Variants in SV2C observed in about 807,000 individuals in gnomAD.
The protein encoded by SV2C is synaptic vesicle glycoprotein 2C.
A neutral mutation model predicts 79.7 loss-of-function variants in SV2C; 49 were observed. The ratio of observed to expected loss-of-function variants is 0.61; its 90% CI spans 0.49 to 0.78. SV2C has a LOEUF of 0.78. SV2C is among the 30% of genes least tolerant of loss of function. The pLI is 0.00. For missense variants in SV2C, 833 were observed against 912.9 expected (o/e 0.91, Z 1.13); for synonymous variants, 334 against 333.2 (o/e 1.00, Z -0.03).
chr5:75,990,710 C>A, the SV2C span, among the ~76,000 whole-genome samples: 1 of 151,780 alleles, frequency 6.6e-6, no homozygotes, highest in African/African-American at 2.4e-5. Context: ...ATGTAAATGA[C>A]GAGTTAATGG....
At chr5:75,896,052 CT>C in the SV2C span, among the ~76,000 whole-genome samples, 20 of 151,596 alleles carry the variant, frequency 1.3e-4, no homozygotes, top group Middle Eastern at 3.4e-3. Context: ...TTGGATAGTT[CT>C]TTTTTTATTT....
chr5:76,139,587 C>T (rs997821807), intron 2 of SV2C, among the ~76,000 whole-genome samples: 7 of 152,114 alleles, frequency 4.6e-5, no homozygotes, highest in South Asian at 2.1e-4. Context: ...GCTGACATAT[C>T]GGGTTTCTGA....
the SV2C span, chr5:75,921,252 G>A: frequency 1.4e-6 from 2 of 1,449,580 alleles, no homozygotes; most frequent in African/African-American, 1.4e-5. Flanking sequence ...ACTTTGATGA[G>A]GATCTGCAGG....
chr5:75,996,111 G>GT, the SV2C span, among the ~76,000 whole-genome samples: 2 of 152,142 alleles, frequency 1.3e-5, no homozygotes, highest in African/African-American at 4.8e-5. Context: ...GGTTTTTATG[G>GT]TTTTAGGTCT....
the SV2C span, among the ~76,000 whole-genome samples, chr5:75,874,980 G>A: frequency 2.0e-5 from 3 of 152,168 alleles, no homozygotes; most frequent in East Asian, 3.8e-4. Flanking sequence ...TGGCTATACT[G>A]CCCAAGCAAT....
the SV2C span, among the ~76,000 whole-genome samples, chr5:76,043,555 C>T: frequency 6.6e-6 from 1 of 152,226 alleles, no homozygotes; most frequent in Non-Finnish European, 1.5e-5. Context: ...ATATACTTCT[C>T]TTATTGCTTA....
At position 76,204,973 on chromosome 5, in the gene SV2C, T is replaced by G. The variant is rs562661615; in HGVS notation, c.762-4763T>G. ...GCTAAACTGGTTTAACTTGTGTGCC[T>G]CACATTTCCCAGCAGAGGAGAAATT... is the stretch of plus-strand genomic sequence containing the variant. On this transcript the variant is annotated intron_variant, in intron 3 of 12. Transcript: ENST00000502798. Among the ~76,000 whole-genome samples the G allele has an allele frequency of 4.6e-5, 7 of 152,364 alleles. No individual in the cohort carries two copies. The South Asian group carries it at 1.4e-3, about 32-fold the overall frequency.
the SV2C span, among the ~76,000 whole-genome samples, chr5:76,050,178 C>T: frequency 6.6e-6 from 1 of 152,172 alleles, no homozygotes; most frequent in South Asian, 2.1e-4. Flanking sequence ...TGCTGTCACT[C>T]ATATTGTAGA....
chr5:76,263,230 T>G (rs1746539011), intron 4 of SV2C, among the ~76,000 whole-genome samples: 1 of 152,184 alleles, frequency 6.6e-6, no homozygotes, highest in Non-Finnish European at 1.5e-5. Context: ...TAAAGTCTGT[T>G]TTATCAGGGA....
the SV2C span, among the ~76,000 whole-genome samples, chr5:75,936,782 G>C: frequency 6.6e-6 from 1 of 152,144 alleles, no homozygotes; most frequent in African/African-American, 2.4e-5. Flanking sequence ...ATTCTCATTG[G>C]AACATAGTCT....
At chr5:75,920,955 G>A in the SV2C span, 31 of 718,956 alleles carry the variant, frequency 4.3e-5, no homozygotes, top group Admixed American at 3.5e-4. Context: ...ATGATGGCCC[G>A]GCCCCTGAGG....
intron 12 of SV2C, among the ~76,000 whole-genome samples, chr5:76,339,243 C>G (rs73764350): frequency 6.6e-6 from 1 of 151,990 alleles, no homozygotes; most frequent in Non-Finnish European, 1.5e-5. Context: ...AATAACAATC[C>G]TTTTTATTAA....
chr5:76,260,318 G>A (rs938910379), intron 4 of SV2C, among the ~76,000 whole-genome samples: 2 of 151,734 alleles, frequency 1.3e-5, no homozygotes, highest in South Asian at 4.2e-4. Context: ...ATTTGTTTAA[G>A]TTCCTTATAG....
intron 6 of SV2C, among the ~76,000 whole-genome samples, chr5:76,287,411 T>C (rs754235043): frequency 1.3e-5 from 2 of 152,204 alleles, no homozygotes; most frequent in Non-Finnish European, 2.9e-5. Context: ...TTTCATTTTA[T>C]TATACATGCA....
At chr5:76,189,105 G>A (rs1744017308) in intron 2 of SV2C, among the ~76,000 whole-genome samples, 1 of 152,148 alleles carries the variant, frequency 6.6e-6, no homozygotes, top group Non-Finnish European at 1.5e-5. Context: ...ACAGGCGGAA[G>A]CTAGAAGACT....
the SV2C span, among the ~76,000 whole-genome samples, chr5:76,015,727 A>G: frequency 3.3e-5 from 5 of 152,150 alleles, no homozygotes; most frequent in Non-Finnish European, 7.3e-5. Context: ...AAATTTCCCA[A>G]TAAAATTTAA....
At chr5:76,323,976 C>A (rs560500580) in intron 12 of SV2C, among the ~76,000 whole-genome samples, 2 of 152,094 alleles carry the variant, frequency 1.3e-5, no homozygotes, top group Non-Finnish European at 2.9e-5. Flanking sequence ...TGTAACAAAC[C>A]TGCACGTTCT....
the SV2C span, among the ~76,000 whole-genome samples, chr5:76,073,463 A>G: frequency 6.9e-6 from 1 of 145,152 alleles, no homozygotes; most frequent in Admixed American, 6.9e-5. Flanking sequence ...ATGCCCATCA[A>G]TCAATGAGTG....
intron 2 of SV2C, among the ~76,000 whole-genome samples, chr5:76,163,190 T>C (rs1054607164): frequency 1.3e-5 from 2 of 151,976 alleles, no homozygotes; most frequent in African/African-American, 2.4e-5. Flanking sequence ...TCATTTTCTT[T>C]TTCTCACACA....
Sources: allele counts gnomAD v4.1 joint callset (sites outside exome capture counted in the v4.1 genomes callset), GRCh38; gene constraint gnomAD v4.1.1; transcripts MANE v1.5; gene names NCBI Gene and HGNC (gene_info 2026-07-23, HGNC 2026-07-21).